EFTUD2: variants seen among roughly 807,000 people sequenced by gnomAD.
EFTUD2 encodes 116 kDa U5 small nuclear ribonucleoprotein component.
Under a neutral mutation model 114.3 loss-of-function variants are expected in EFTUD2, and 9 were observed. That is an observed-to-expected ratio of 0.08 (90% confidence interval 0.05 to 0.14). The LOEUF is 0.14. EFTUD2 is among the 10% of genes least tolerant of loss of function. The pLI, the probability that EFTUD2 is intolerant of heterozygous loss-of-function variation, is 1.00. For missense variants in EFTUD2, 765 were observed against 1,241.2 expected, an observed-to-expected ratio of 0.62 and a Z score of 5.76; for synonymous variants, 449 against 462.3, an observed-to-expected ratio of 0.97 and a Z score of 0.37.
rs936231771 is a variant in EFTUD2 at position 44,854,768 on chromosome 17, A to C, written c.2133-86T>G. On this transcript the variant is annotated intron_variant, in intron 21 of 27. Transcript: ENST00000426333. This position sits in a 1 kb window ranked among gnomAD's most constrained non-coding sequence, Gnocchi z 4.3. ...CACAGACCCTCCCTTCCTGGAAGACAGTCACTTCATCCTACCCACTGTGCC... is the reference window on the plus strand; with the variant it reads ...CACAGACCCTCCCTTCCTGGAAGACCGTCACTTCATCCTACCCACTGTGCC... 7 of 1,582,456 alleles carry C rather than the reference A, an allele frequency of 4.4e-6. No individual in the cohort carries two copies. In the African/African-American group the frequency reaches 9.4e-5, roughly 21 times the overall value.
intron 12 of EFTUD2, 98 bp downstream of exon 12, chr17:44,868,189 A>AG (rs1376009910): frequency 9.0e-7 from 1 of 1,111,930 alleles, no homozygotes; most frequent in South Asian, 1.7e-5. Flanking sequence ...AAAAAAAAAA[A>AG]GTAGGTATTT....
chr17:44,874,384 CATG>C lies in EFTUD2; in HGVS notation c.869+1547_869+1549del, dbSNP rs914725140. Among the ~76,000 whole-genome samples, 20 of 152,234 alleles carry C rather than the reference CATG, an allele frequency of 1.3e-4. No individual in the cohort carries two copies. In the East Asian group the frequency reaches 2.5e-3, roughly 19 times the overall value. On this transcript the variant is annotated intron_variant, in intron 10 of 27. Transcript: ENST00000426333. ...TATTTGTCATTTCATCCTTTGGACTCATGATGTCACACTGGGCTCTAGTCATTC... is the reference window on the plus strand; with the variant it reads ...TATTTGTCATTTCATCCTTTGGACTCATGTCACACTGGGCTCTAGTCATTC...
At position 44,867,839 on chromosome 17, in the gene EFTUD2, T is replaced by C. The variant is rs376454994; in HGVS notation, c.1117A>G (p.Ile373Val). The change falls in exon 13 of 28, where the codon ATC (isoleucine) becomes GTC (valine). Residue 373 changes from isoleucine to valine, a missense_variant. Ile to Val is a conservative substitution (Grantham distance 29). Coordinates refer to ENST00000426333, the MANE Select transcript of EFTUD2 (RefSeq NM_004247.4). The stretch of plus-strand genomic sequence containing the variant: ...AGGATCTTATAAAGAGGCTCCAAGA[T>C]AAACTCCACGAAACTTCTCTGGGAG... ...SSSQRSFVEF[I>V]LEPLYKILAQ... 2 of 1,605,638 alleles carry C rather than the reference T, an allele frequency of 1.2e-6. No homozygotes were observed. The highest frequency in any genetic ancestry group is 1.7e-6 in the Non-Finnish European group (2 of 1,176,032).
chr17:44,856,758 C>CAAAAAAAAAAAA (rs551023404), intron 20 of EFTUD2, among the ~76,000 whole-genome samples: 1 of 124,818 alleles, frequency 8.0e-6, no homozygotes, highest in African/African-American at 2.8e-5. Context: ...CAGCCTGTGT[C>CAAAAAAAAAAAA]AAAAAAAAAA....
At chr17:44,889,756 C>A (rs1169010159) in intron 2 of EFTUD2, among the ~76,000 whole-genome samples, 4 of 152,164 alleles carry the variant, frequency 2.6e-5, no homozygotes, top group Non-Finnish European at 5.9e-5. Flanking sequence ...TCTACTTCTA[C>A]TAAAGTGGCC....
chr17:44,853,508 T>C lies in EFTUD2; in HGVS notation c.2466+9A>G, dbSNP rs1365063911. ...AAGCAGATGGTCCCCTACCGCCCCA[T>C]TCTCTTACCATGAGGAAGGCAGAGT... is the stretch of plus-strand genomic sequence containing the variant. On this transcript the variant is annotated intron_variant, in intron 24 of 27. Transcript: ENST00000426333. 9.9e-6 allele frequency: 16 copies of C among 1,613,954 alleles called. No homozygotes were observed. The highest frequency in any genetic ancestry group is 1.6e-4 in the Middle Eastern group (1 of 6,084).
chr17:44,896,170 T>C (rs780380743), intron 1 of EFTUD2, among the ~76,000 whole-genome samples: 80 of 152,364 alleles, frequency 5.3e-4, no homozygotes, highest in Admixed American at 9.1e-4. Flanking sequence ...GTAAAGTTAC[T>C]CATTTTCCCT....
chr17:44,898,740 T>C (rs888111182), intron 1 of EFTUD2, among the ~76,000 whole-genome samples: 3 of 152,254 alleles, frequency 2.0e-5, no homozygotes, highest in African/African-American at 7.2e-5. Context: ...TTTCACTGTT[T>C]TATTGCTATT....
At chr17:44,866,965 G>A (rs1290058047) in intron 13 of EFTUD2, among the ~76,000 whole-genome samples, 1 of 152,104 alleles carries the variant, frequency 6.6e-6, no homozygotes, top group Non-Finnish European at 1.5e-5. Context: ...AAGTTAGCCA[G>A]GCATGGTAGC....
chr17:44,897,970 T>C (rs1459220710), intron 1 of EFTUD2, among the ~76,000 whole-genome samples: 2 of 152,186 alleles, frequency 1.3e-5, no homozygotes, highest in South Asian at 2.1e-4. Flanking sequence ...GTTAACTGAA[T>C]GGGATGTTTA....
chr17:44,875,615 G>C (rs1348497686), intron 10 of EFTUD2: 1 of 183,388 alleles, frequency 5.5e-6, no homozygotes, highest in African/African-American at 2.3e-5. Flanking sequence ...GGAGACTGAG[G>C]TGGGAGGATT....
Position 44,854,658 on chromosome 17 carries a change from C to T in EFTUD2, c.2157G>A (p.Gln719=), listed in dbSNP as rs2050515360. The change falls in exon 22 of 28, where the codon CAG becomes CAA. Residue 719 remains glutamine, a synonymous_variant. Transcript: ENST00000426333. The surrounding 1 kb of genome is among the most constrained non-coding windows in gnomAD (Gnocchi z 4.3). ...CCAGCAGATCCCAATCGTACTTGGT[C>T]TGGAAGAACTCTCCCAGCTTCTTCC... is the stretch of plus-strand genomic sequence containing the variant. ...WNRKKLGEFF[Q]TKYDWDLLAA... is the part of the protein sequence containing the mutation. 1.2e-6 allele frequency: 2 copies of T among 1,613,968 alleles called. No homozygotes were observed. The highest frequency in any genetic ancestry group is 1.7e-6 in the Non-Finnish European group (2 of 1,179,910).
rs2050679965 is a variant in EFTUD2 at position 44,862,717 on chromosome 17, C to T, written c.1603G>A (p.Ala535Thr). Residue 535 changes from alanine to threonine, a missense_variant, in exon 16 of 28, where the codon GCC becomes ACC. Coordinates refer to ENST00000426333, the MANE Select transcript of EFTUD2 (RefSeq NM_004247.4). ...TGGGGCTCTGGTTGGCAGTACCTGG[C>T]CACAGAGATCCAAAGGCGGCCCACG... is the stretch of plus-strand genomic sequence containing the variant. ...CTVGRLWISV[A>T]RYHIEVNRVP... 1.9e-6 allele frequency: 3 copies of T among 1,612,474 alleles called. No individual in the cohort carries two copies. The highest frequency in any genetic ancestry group is 2.5e-6 in the Non-Finnish European group (3 of 1,178,928).
At chr17:44,891,417 A>G (rs567500637) in intron 2 of EFTUD2, among the ~76,000 whole-genome samples, 1 of 152,186 alleles carries the variant, frequency 6.6e-6, no homozygotes, top group African/African-American at 2.4e-5. Context: ...TGGCATGACC[A>G]TAGCTCACCA....
intron 2 of EFTUD2, 112 bp from the exon 3 acceptor site, chr17:44,886,862 T>A: frequency 2.0e-6 from 3 of 1,486,098 alleles, no homozygotes; most frequent in East Asian, 2.5e-5. Flanking sequence ...AGCTTCTTAT[T>A]CTGAGTTCTA....
chr17:44,855,669 A>G (rs540655123), intron 20 of EFTUD2, among the ~76,000 whole-genome samples: 9 of 152,110 alleles, frequency 5.9e-5, no homozygotes, highest in Non-Finnish European at 8.8e-5. Flanking sequence ...AAAATTAGCC[A>G]GCCGGGTGCG....
chr17:44,855,770 G>A (rs2050539674), intron 20 of EFTUD2, among the ~76,000 whole-genome samples: 2 of 151,786 alleles, frequency 1.3e-5, no homozygotes, highest in African/African-American at 2.4e-5. Context: ...CCAACACAGT[G>A]AAACCCCATC....
In EFTUD2 at chr17:44,854,468, A is replaced by G; in HGVS notation, c.2259+88T>C. ...GATACTGTCCTTCACCAGAGGACACAAGATACTTTTGGGAAAAGAACACTT... is the reference window on the plus strand; with the variant it reads ...GATACTGTCCTTCACCAGAGGACACGAGATACTTTTGGGAAAAGAACACTT... On this transcript the variant is annotated intron_variant, in intron 22 of 27. Transcript: ENST00000426333. The surrounding 1 kb of genome is among the most constrained non-coding windows in gnomAD (Gnocchi z 4.3). 1 of 1,579,360 alleles carries G rather than the reference A, an allele frequency of 6.3e-7. No homozygotes were observed. The highest frequency in any genetic ancestry group is 8.6e-7 in the Non-Finnish European group (1 of 1,159,346).
chr17:44,887,535 T>C (rs916504703), intron 2 of EFTUD2, among the ~76,000 whole-genome samples: 3 of 152,152 alleles, frequency 2.0e-5, no homozygotes, highest in African/African-American at 7.2e-5. Flanking sequence ...TGCTACAGCG[T>C]AGATAAGCCT....
Sources: allele counts gnomAD v4.1 joint callset (sites outside exome capture counted in the v4.1 genomes callset), GRCh38; gene constraint gnomAD v4.1.1; non-coding constraint Gnocchi (gnomAD v3.1); transcripts MANE v1.5; gene names NCBI Gene and HGNC (gene_info 2026-07-23, HGNC 2026-07-21).